Variants in HEATR4 observed in about 807,000 individuals in gnomAD.
HEATR4 encodes HEAT repeat containing 4.
A neutral mutation model predicts 108.8 loss-of-function variants in HEATR4; 95 were observed. The ratio of observed to expected loss-of-function variants is 0.87; its 90% CI spans 0.74 to 1.04. The LOEUF (loss-of-function observed/expected upper bound fraction) is 1.04, where lower values mean the gene tolerates loss of function less well. HEATR4 is among the 50% of genes least tolerant of loss of function. The pLI is 0.00. For synonymous variants in HEATR4, 443 were observed against 459.4 expected (o/e 0.96, Z 0.46); for missense variants, 1,152 against 1,253.8 (o/e 0.92, Z 1.23).
intron 1 of HEATR4, among the ~76,000 whole-genome samples, chr14:73,555,768 G>A (rs1398133281): frequency 8.7e-6 from 1 of 114,930 alleles, no homozygotes; most frequent in Non-Finnish European, 1.9e-5. Context: ...TTGGGAGGCT[G>A]AGGCGGGTGG....
the HEATR4 span, among the ~76,000 whole-genome samples, chr14:73,613,372 G>C: frequency 6.6e-6 from 1 of 152,102 alleles, no homozygotes; most frequent in Non-Finnish European, 1.5e-5. Flanking sequence ...TTTATTGAGA[G>C]CCACTATGTG....
At chr14:73,579,384 G>T in the HEATR4 span, among the ~76,000 whole-genome samples, 1 of 148,742 alleles carries the variant, frequency 6.7e-6, no homozygotes, top group South Asian at 2.1e-4. Flanking sequence ...AGACCAGCCA[G>T]GTCAACATGG....
the HEATR4 span, among the ~76,000 whole-genome samples, chr14:73,607,588 G>T: frequency 6.6e-6 from 1 of 151,110 alleles, no homozygotes; most frequent in African/African-American, 2.5e-5. Flanking sequence ...CAGCCGGCTT[G>T]ATTTTCTCCC....
chr14:73,563,510 A>ACTTGAACCCG (rs1595166166), upstream of HEATR4, among the ~76,000 whole-genome samples: 1 of 151,916 alleles, frequency 6.6e-6, no homozygotes, highest in Non-Finnish European at 1.5e-5. Flanking sequence ...TAGGAGACTC[A>ACTTGAACCCG]CTTGAACCCG....
chr14:73,562,231 C>T (rs973725504), upstream of HEATR4, among the ~76,000 whole-genome samples: 39 of 152,020 alleles, frequency 2.6e-4, 1 homozygote, highest in African/African-American at 7.5e-4. Context: ...CGGCTGGAGC[C>T]GCGGCAGAGG....
chr14:73,583,870 C>T, the HEATR4 span, among the ~76,000 whole-genome samples: 135,827 of 151,108 alleles, frequency 0.9, 61,108 homozygotes, highest in South Asian at 0.93. Flanking sequence ...TGTGGTGGTG[C>T]GCACCTGTAG....
Position 73,509,401 on chromosome 14 carries a change from T to G in HEATR4, c.1631A>C (p.His544Pro). 2 of 1,614,096 alleles carry G rather than the reference T, an allele frequency of 1.2e-6. 1 individual carries two copies. The highest frequency in any genetic ancestry group is 2.2e-5 in the South Asian group (2 of 91,072). The change falls in exon 8 of 18, where the codon CAT becomes CCT. Residue 544 changes from histidine (H) to proline (P), a missense_variant. Coordinates refer to ENST00000553558, the MANE Select transcript of HEATR4 (RefSeq NM_001220484.1). Reference sequence around the variant, plus strand: ...GCATATTGCTGCTGCCATCCGCACATGGGCATTCTTGTCACAAAGAGCAGC... The same window carrying G: ...GCATATTGCTGCTGCCATCCGCACAGGGGCATTCTTGTCACAAAGAGCAGC... ...LEAALCDKNA[H>P]VRMAAAICQY...
intron 17 of HEATR4, chr14:73,491,847 C>T: frequency 6.2e-7 from 1 of 1,609,552 alleles, no homozygotes; most frequent in South Asian, 1.1e-5. Context: ...ACCCTGAACC[C>T]ACCCGGCCGC....
the HEATR4 span, among the ~76,000 whole-genome samples, chr14:73,576,818 A>C: frequency 1.3e-5 from 2 of 148,710 alleles, no homozygotes; most frequent in Non-Finnish European, 3.0e-5. Context: ...AAAAAAAAAA[A>C]AAGACAATAT....
At chr14:73,499,422 G>A (rs1446855558) in intron 12 of HEATR4, among the ~76,000 whole-genome samples, 1 of 152,184 alleles carries the variant, frequency 6.6e-6, no homozygotes, top group Non-Finnish European at 1.5e-5. Context: ...GGAGGTTGTA[G>A]TGAGCTGAGA....
At chr14:73,570,975 AC>A in the HEATR4 span, among the ~76,000 whole-genome samples, 43,459 of 136,396 alleles carry the variant, frequency 0.32, 6,674 homozygotes, top group African/African-American at 0.37. Flanking sequence ...CTAGGAAGCC[AC>A]TTTTTTTTTT....
intron 2 of HEATR4, among the ~76,000 whole-genome samples, chr14:73,525,578 C>CTAGA (rs1888274444): frequency 6.6e-6 from 1 of 152,122 alleles, no homozygotes; most frequent in East Asian, 1.9e-4. Context: ...AATAGAAAGG[C>CTAGA]TAGAGCAAGA....
chr14:73,562,719 C>T (rs182725465), upstream of HEATR4, among the ~76,000 whole-genome samples: 3 of 152,078 alleles, frequency 2.0e-5, no homozygotes, highest in East Asian at 5.8e-4. Context: ...GAGATAAGGA[C>T]TGAGATACGC....
At chr14:73,495,018 T>TA (rs1886019238) in intron 16 of HEATR4, among the ~76,000 whole-genome samples, 1 of 151,274 alleles carries the variant, frequency 6.6e-6, no homozygotes, top group Non-Finnish European at 1.5e-5. Flanking sequence ...AACTTTTTTT[T>TA]AAGGGAGAAA....
the HEATR4 span, chr14:73,592,309 G>C: frequency 2.7e-5 from 44 of 1,611,086 alleles, no homozygotes; most frequent in Admixed American, 8.4e-5. Flanking sequence ...CCCGAGCCTG[G>C]ACGGCTGCTG....
chr14:73,562,575 A>G (rs1889544869), upstream of HEATR4, among the ~76,000 whole-genome samples: 2 of 152,022 alleles, frequency 1.3e-5, no homozygotes, highest in South Asian at 4.2e-4. Flanking sequence ...CTACAAACGG[A>G]CGTGCAAGTA....
the HEATR4 span, among the ~76,000 whole-genome samples, chr14:73,614,420 C>T: frequency 3.3e-5 from 5 of 152,002 alleles, no homozygotes; most frequent in Admixed American, 6.6e-5. Flanking sequence ...GAGGCTTTCG[C>T]AAGGATATAG....
chr14:73,617,221 AAG>A, the HEATR4 span: 1 of 1,614,090 alleles, frequency 6.2e-7, no homozygotes, highest in African/African-American at 1.3e-5. Flanking sequence ...CTGAGTGCAG[AAG>A]AGAGGGGATA....
At chr14:73,593,960 T>G in the HEATR4 span, 3 of 1,479,082 alleles carry the variant, frequency 2.0e-6, no homozygotes, top group Admixed American at 1.9e-5. Context: ...CCATAGAGAG[T>G]GTAACCTTTA....
Sources: gnomAD v4.1 joint callset for allele counts (sites outside exome capture counted in the v4.1 genomes callset) on GRCh38, gnomAD v4.1.1 for gene constraint, MANE v1.5 for transcripts, NCBI Gene and HGNC (gene_info 2026-07-23, HGNC 2026-07-21) for gene names.